Variants in HS3ST4 observed in about 807,000 individuals in gnomAD.
HS3ST4 encodes the protein heparan sulfate-glucosamine 3-sulfotransferase 4, also known as heparan sulfate glucosamine 3-O-sulfotransferase 4.
In HS3ST4, 17 loss-of-function variants were observed where a neutral mutation model predicts 29.2. That is an observed-to-expected ratio of 0.58 (90% CI 0.40 to 0.87). The LOEUF is 0.87. HS3ST4 is among the 40% of genes least tolerant of loss of function. HS3ST4 has a pLI of 0.00. For synonymous variants in HS3ST4, 314 were observed against 285.7 expected (o/e 1.10, Z -1.00); for missense variants, 627 against 634.5 (o/e 0.99, Z 0.13).
At chr16:25,711,876 G>T (rs1230789245) in intron 1 of HS3ST4, among the ~76,000 whole-genome samples, 1 of 152,118 alleles carries the variant, frequency 6.6e-6, no homozygotes, top group Non-Finnish European at 1.5e-5. Context: ...TGACCTGCTC[G>T]CCTCAGCCTC....
intron 1 of HS3ST4, among the ~76,000 whole-genome samples, chr16:25,703,902 T>C (rs866829217): frequency 4.6e-5 from 7 of 152,230 alleles, no homozygotes; most frequent in South Asian, 4.1e-4. Context: ...CTTCTTCCAC[T>C]TCTGAGCTTG....
chr16:26,075,310 T>C (rs116323309), intron 1 of HS3ST4, among the ~76,000 whole-genome samples: 1,723 of 152,316 alleles, frequency 0.011, 42 homozygotes, highest in African/African-American at 0.038. Flanking sequence ...GCAAAGCACC[T>C]GTTCATATCT....
intron 1 of HS3ST4, among the ~76,000 whole-genome samples, chr16:26,011,279 G>T (rs556857005): frequency 2.0e-5 from 3 of 152,204 alleles, no homozygotes; most frequent in Non-Finnish European, 4.4e-5. Flanking sequence ...TTCAATTTTG[G>T]CCAGGCGTGG....
intron 1 of HS3ST4, among the ~76,000 whole-genome samples, chr16:26,063,958 A>G (rs1475038505): frequency 3.9e-5 from 6 of 152,226 alleles, no homozygotes; most frequent in Admixed American, 6.5e-5. Flanking sequence ...CCCTCAGGGA[A>G]ACAACTAAAA....
chr16:25,864,292 G>T, intron 1 of HS3ST4, among the ~76,000 whole-genome samples: 1 of 152,184 alleles, frequency 6.6e-6, no homozygotes, highest in East Asian at 1.9e-4. Flanking sequence ...CATCACCTTA[G>T]ATACTTATGT....
intron 1 of HS3ST4, among the ~76,000 whole-genome samples, chr16:25,851,502 T>G (rs1967521641): frequency 6.6e-6 from 1 of 152,184 alleles, no homozygotes; most frequent in Admixed American, 6.5e-5. Flanking sequence ...TGATTTCCAC[T>G]GCCATTACCT....
chr16:25,851,144 C>A (rs1967517184), intron 1 of HS3ST4, among the ~76,000 whole-genome samples: 1 of 152,178 alleles, frequency 6.6e-6, no homozygotes, highest in South Asian at 2.1e-4. Context: ...TGGACGTTCC[C>A]ATGTTTCTGT....
intron 1 of HS3ST4, among the ~76,000 whole-genome samples, chr16:26,078,965 T>C (rs1380492560): frequency 6.6e-6 from 1 of 152,194 alleles, no homozygotes; most frequent in Non-Finnish European, 1.5e-5. Context: ...AAGCAGCTGT[T>C]GGTACCAATT....
intron 1 of HS3ST4, among the ~76,000 whole-genome samples, chr16:26,086,928 G>A (rs1253661896): frequency 6.6e-6 from 1 of 152,160 alleles, no homozygotes; most frequent in East Asian, 1.9e-4. Flanking sequence ...TGCAGAGGAG[G>A]CACTACCTGG....
chr16:26,085,019 C>T (rs1898769335), intron 1 of HS3ST4, among the ~76,000 whole-genome samples: 1 of 152,198 alleles, frequency 6.6e-6, no homozygotes, highest in African/African-American at 2.4e-5. Flanking sequence ...TTGCCTCCTC[C>T]ATCCAGTGGC....
intron 1 of HS3ST4, among the ~76,000 whole-genome samples, chr16:25,759,992 T>G: frequency 6.6e-6 from 1 of 152,114 alleles, no homozygotes; most frequent in East Asian, 1.9e-4. Context: ...TTTCCCTGGC[T>G]TATAAACAGG....
chr16:26,112,618 A>G (rs1488463494), intron 1 of HS3ST4, among the ~76,000 whole-genome samples: 1 of 152,112 alleles, frequency 6.6e-6, no homozygotes, highest in Non-Finnish European at 1.5e-5. Context: ...GGAAGAAGAT[A>G]TTTGCAGTCT....
intron 1 of HS3ST4, among the ~76,000 whole-genome samples, chr16:25,826,853 GC>G (rs1411302323): frequency 1.3e-5 from 2 of 152,088 alleles, no homozygotes; most frequent in Non-Finnish European, 2.9e-5. Flanking sequence ...AATCAGACAT[GC>G]TTGCCCTTTT....
chr16:25,913,264 C>A (rs935379797), intron 1 of HS3ST4, among the ~76,000 whole-genome samples: 12 of 152,200 alleles, frequency 7.9e-5, no homozygotes, highest in Admixed American at 1.3e-4. Flanking sequence ...AAACCTAACC[C>A]CCCCGGGGAT....
rs58851793 is a variant in HS3ST4, at chr16:25,831,396, T to TACACACACAC, written c.734+138283_734+138292dup. On this transcript the variant is annotated intron_variant, in intron 1 of 1. Coordinates refer to ENST00000331351, the MANE Select transcript of HS3ST4 (RefSeq NM_006040.3). ...GGGCAACATAATGAGACCCCGTCTC[T>TACACACACAC]ACACACACACACACACACACACACA... Among the ~76,000 whole-genome samples the TACACACACAC allele has an allele frequency of 7.1e-3, 897 of 126,104 alleles. 10 individuals carry two copies. Among genetic ancestry groups the TACACACACAC allele is most frequent in the East Asian group, 9.3e-3 (36 of 3,886 alleles). The allele number at this position is 126,104 out of a possible 152,430, so 82.7% of individuals were successfully genotyped here. A position where few individuals can be genotyped will look rare whatever the true frequency, so the allele number is the denominator to read the frequency against.
intron 1 of HS3ST4, among the ~76,000 whole-genome samples, chr16:25,978,948 T>TTTG (rs758994735): frequency 2.7e-5 from 4 of 149,654 alleles, no homozygotes; most frequent in Non-Finnish European, 5.9e-5. Context: ...TTTTGTTTTT[T>TTTG]TTTTTTTTTG....
chr16:25,704,920 G>C (rs570280946), intron 1 of HS3ST4, among the ~76,000 whole-genome samples: 2 of 151,212 alleles, frequency 1.3e-5, no homozygotes, highest in African/African-American at 4.9e-5. Context: ...ATCTTGCTCT[G>C]TTGGTTGCCC....
intron 1 of HS3ST4, among the ~76,000 whole-genome samples, chr16:25,716,007 A>G (rs531784366): frequency 1.3e-5 from 2 of 152,002 alleles, no homozygotes; most frequent in African/African-American, 4.8e-5. Flanking sequence ...CCTGAGCAGG[A>G]GCAGAGCTAG....
intron 1 of HS3ST4, among the ~76,000 whole-genome samples, chr16:25,779,001 T>TACACACAC (rs1056103718): frequency 4.6e-5 from 7 of 151,422 alleles, no homozygotes; most frequent in African/African-American, 1.7e-4. Context: ...TCTGTGTCTC[T>TACACACAC]ACACACACAC....
Sources: allele counts gnomAD v4.1 joint callset (sites outside exome capture counted in the v4.1 genomes callset), GRCh38; gene constraint gnomAD v4.1.1; transcripts MANE v1.5; gene names NCBI Gene and HGNC (gene_info 2026-07-23, HGNC 2026-07-21).